STXBP5L: variants seen among roughly 807,000 people sequenced by gnomAD.
STXBP5L encodes syntaxin binding protein 5L, also known as syntaxin-binding protein 5-like.
STXBP5L carries 65 observed loss-of-function variants against 144.5 expected under a neutral mutation model. The ratio of observed to expected loss-of-function variants is 0.45; its 90% CI spans 0.37 to 0.55. The LOEUF (loss-of-function observed/expected upper bound fraction) is 0.55. Ranked by LOEUF, STXBP5L falls within the 20% of genes least tolerant of loss-of-function variation. The probability of loss-of-function intolerance (pLI) is 0.00; values close to 1 mark genes in which losing one functional copy is unlikely to be tolerated. For synonymous variants in STXBP5L, 505 were observed against 469.6 expected, an observed-to-expected ratio of 1.08 and a Z score of -0.97; for missense variants, 1,298 against 1,405.5, an observed-to-expected ratio of 0.92 and a Z score of 1.22.
At chr3:121,020,284 A>G (rs1945452412) in intron 3 of STXBP5L, among the ~76,000 whole-genome samples, 1 of 152,188 alleles carries the variant, frequency 6.6e-6, no homozygotes, top group South Asian at 2.1e-4. Context: ...GTCAAACCGA[A>G]AAATATTGGT....
chr3:121,181,577 T>G (rs544374971), intron 9 of STXBP5L, among the ~76,000 whole-genome samples: 3 of 152,118 alleles, frequency 2.0e-5, no homozygotes, highest in East Asian at 3.9e-4. Context: ...CTACTAAAAA[T>G]GCAAAAATTA....
intron 20 of STXBP5L, chr3:121,324,682 G>T (rs2108544463): frequency 1.8e-6 from 1 of 569,084 alleles, no homozygotes; most frequent in Non-Finnish European, 3.1e-6. Flanking sequence ...ATTCTCATTT[G>T]TTGTGGTGGA....
intron 19 of STXBP5L, among the ~76,000 whole-genome samples, chr3:121,309,106 A>G (rs1469202173): frequency 1.3e-5 from 2 of 152,134 alleles, no homozygotes; most frequent in African/African-American, 4.8e-5. Flanking sequence ...AAAAAAAAAC[A>G]TGAGACAGAG....
At chr3:121,364,333 C>T (rs1045251509) in intron 20 of STXBP5L, among the ~76,000 whole-genome samples, 3 of 151,984 alleles carry the variant, frequency 2.0e-5, no homozygotes. Flanking sequence ...TATAACAGTA[C>T]CAAAATGTCT....
At chr3:121,346,125 C>T (rs754413675) in intron 20 of STXBP5L, among the ~76,000 whole-genome samples, 6 of 148,214 alleles carry the variant, frequency 4.0e-5, no homozygotes, top group Non-Finnish European at 8.9e-5. Flanking sequence ...CCACAACAGG[C>T]CCCAGGGTGT....
intron 5 of STXBP5L, among the ~76,000 whole-genome samples, chr3:121,092,491 C>A (rs2042865065): frequency 6.6e-6 from 1 of 152,094 alleles, no homozygotes; most frequent in South Asian, 2.1e-4. Flanking sequence ...CTTCACGTCC[C>A]TTGTAAGTTG....
chr3:120,948,495 G>A (rs1230343485), intron 2 of STXBP5L, among the ~76,000 whole-genome samples: 1 of 151,396 alleles, frequency 6.6e-6, no homozygotes, highest in African/African-American at 2.4e-5. Context: ...GAGATTTTTG[G>A]CACCCATCAC....
chr3:121,172,304 G>A (rs865809125), intron 9 of STXBP5L, among the ~76,000 whole-genome samples: 18 of 152,136 alleles, frequency 1.2e-4, no homozygotes, highest in Non-Finnish European at 1.5e-4. Context: ...GACACCAAAA[G>A]CAATGGCAAC....
At chr3:120,974,267 T>C (rs556737274) in intron 3 of STXBP5L, among the ~76,000 whole-genome samples, 140 of 152,278 alleles carry the variant, frequency 9.2e-4, no homozygotes, top group Middle Eastern at 3.4e-3. Flanking sequence ...CATTGTGGTT[T>C]TGATTTGCAT....
At chr3:121,263,528 T>G (rs539425798) in intron 18 of STXBP5L, among the ~76,000 whole-genome samples, 1 of 152,070 alleles carries the variant, frequency 6.6e-6, no homozygotes, top group East Asian at 1.9e-4. Context: ...TCCTCTGAGC[T>G]AAAGGAGCAT....
At chr3:121,206,573 G>A (rs193273321) in intron 10 of STXBP5L, among the ~76,000 whole-genome samples, 1 of 152,254 alleles carries the variant, frequency 6.6e-6, no homozygotes, top group Admixed American at 6.5e-5. Flanking sequence ...ACTTTGGGAG[G>A]CTAAGGCGGG....
chr3:121,086,584 C>G (rs538777275), intron 5 of STXBP5L, among the ~76,000 whole-genome samples: 2 of 152,172 alleles, frequency 1.3e-5, no homozygotes, highest in South Asian at 4.1e-4. Flanking sequence ...TTGTGCATTC[C>G]TTATCCAAAA....
chr3:120,973,560 A>T (rs562759659), intron 3 of STXBP5L, among the ~76,000 whole-genome samples: 17 of 151,798 alleles, frequency 1.1e-4, no homozygotes, highest in African/African-American at 3.4e-4. Context: ...TTTTTTTATT[A>T]TACTTTAGTT....
chr3:121,405,975 G>A (rs1266586579), intron 22 of STXBP5L, among the ~76,000 whole-genome samples: 1 of 152,070 alleles, frequency 6.6e-6, no homozygotes, highest in Non-Finnish European at 1.5e-5. Context: ...AATCAAGGAT[G>A]AAAAGATATA....
intron 5 of STXBP5L, among the ~76,000 whole-genome samples, chr3:121,077,304 G>A (rs866108877): frequency 6.6e-5 from 10 of 152,096 alleles, no homozygotes; most frequent in Admixed American, 5.2e-4. Flanking sequence ...GTGGGTTCTT[G>A]GTCTCACTGA....
intron 7 of STXBP5L, among the ~76,000 whole-genome samples, chr3:121,146,342 T>A (rs1441329134): frequency 1.3e-5 from 2 of 152,032 alleles, no homozygotes; most frequent in Non-Finnish European, 2.9e-5. Context: ...ATTTTTATTC[T>A]GGTGGGTAAA....
chr3:121,200,266 G>A (rs1054164910), intron 9 of STXBP5L, among the ~76,000 whole-genome samples: 2 of 152,158 alleles, frequency 1.3e-5, no homozygotes, highest in African/African-American at 4.8e-5. Flanking sequence ...TAGTTTATTT[G>A]CATAGAGGTG....
chr3:121,273,141 C>T (rs1248613198), intron 18 of STXBP5L, among the ~76,000 whole-genome samples: 1 of 152,000 alleles, frequency 6.6e-6, no homozygotes, highest in Non-Finnish European at 1.5e-5. Flanking sequence ...TACTAATTAA[C>T]ACCCTTCCAT....
chr3:120,967,462 G>A (rs1349062389), intron 3 of STXBP5L, among the ~76,000 whole-genome samples: 1 of 152,184 alleles, frequency 6.6e-6, no homozygotes, highest in Non-Finnish European at 1.5e-5. Context: ...GCGCTAAGCT[G>A]CTTGGCCTAG....
Sources: allele counts gnomAD v4.1 joint callset (sites outside exome capture counted in the v4.1 genomes callset), GRCh38; gene constraint gnomAD v4.1.1; transcripts MANE v1.5; gene names NCBI Gene and HGNC (gene_info 2026-07-23, HGNC 2026-07-21).